The following ATP10B variants were observed in gnomAD, a reference collection of about 807,000 sequenced individuals.
The protein encoded by ATP10B is phospholipid-transporting ATPase VB.
In ATP10B, 122 loss-of-function variants were observed where a neutral mutation model predicts 141.2. The observed-to-expected ratio is 0.86, with a 90% CI of 0.75 to 1.00. The LOEUF is 1.00. Ranked by LOEUF, ATP10B falls within the 50% of genes least tolerant of loss-of-function variation. ATP10B has a pLI of 0.00. For synonymous variants in ATP10B, 685 were observed against 692.0 expected (o/e 0.99, Z 0.16); for missense variants, 1,876 against 1,825.3 (o/e 1.03, Z -0.51).
At chr5:160,624,868 GT>G (rs1758532202) in intron 13 of ATP10B, among the ~76,000 whole-genome samples, 1 of 152,212 alleles carries the variant, frequency 6.6e-6, no homozygotes, top group Non-Finnish European at 1.5e-5. Flanking sequence ...TGTGGTCACA[GT>G]ATGTTCTCTT....
At chr5:160,829,435 T>G (rs1162602915) in intron 1 of ATP10B, among the ~76,000 whole-genome samples, 1 of 152,000 alleles carries the variant, frequency 6.6e-6, no homozygotes, top group Non-Finnish European at 1.5e-5. Flanking sequence ...CTATTTGCAC[T>G]CTTTTTTTGG....
In ATP10B at chr5:160,565,752, G is replaced by C. The variant is rs199886982; in HGVS notation, c.4087C>G (p.Arg1363Gly). The C allele has an allele frequency of 1.2e-6, 2 of 1,613,942 alleles. No individual in the cohort carries two copies. The highest frequency in any genetic ancestry group is 1.7e-6 in the Non-Finnish European group (2 of 1,179,988). ...GATGACACTGGGTGGTGAGTTGGTC[G>C]AGCCACTTCGGGGACAGGGGCAGGC... ...QRPAPVPEVA[R>G]PTHHPVSSIT... Residue 1363 changes from arginine to glycine, a missense_variant, in exon 26 of 26, where the codon CGA (arginine) becomes GGA (glycine). Coordinates refer to ENST00000327245, the MANE Select transcript of ATP10B (RefSeq NM_025153.3).
chr5:160,919,381 C>G, the ATP10B span, among the ~76,000 whole-genome samples: 1 of 151,946 alleles, frequency 6.6e-6, no homozygotes, highest in African/African-American at 2.4e-5. Flanking sequence ...TCAGACTTGG[C>G]CCATAGTCTT....
chr5:160,895,659 G>A, the ATP10B span, among the ~76,000 whole-genome samples: 2 of 152,106 alleles, frequency 1.3e-5, no homozygotes, highest in East Asian at 1.9e-4. Flanking sequence ...AATTAACAAG[G>A]AAATCTAGGA....
intron 25 of ATP10B, among the ~76,000 whole-genome samples, chr5:160,568,550 T>C (rs1242449479): frequency 6.6e-6 from 1 of 152,174 alleles, no homozygotes; most frequent in Non-Finnish European, 1.5e-5. Context: ...GGGAACATCA[T>C]CATCAAGTTC....
intron 1 of ATP10B, among the ~76,000 whole-genome samples, chr5:160,813,150 GCAGTGCAC>G (rs1346346032): frequency 6.6e-6 from 1 of 152,250 alleles, no homozygotes; most frequent in African/African-American, 2.4e-5. Context: ...GACAGTGGGT[GCAGTGCAC>G]CGAGCATGAG....
At chr5:160,606,615 T>G (rs1335588060) in intron 19 of ATP10B, 150 bp downstream of exon 19, 1 of 758,808 alleles carries the variant, frequency 1.3e-6, no homozygotes, top group Non-Finnish European at 2.1e-6. Flanking sequence ...AGTTGCTGCA[T>G]CTTGATTGTC....
the ATP10B span, among the ~76,000 whole-genome samples, chr5:160,874,200 A>G: frequency 1.3e-5 from 2 of 152,252 alleles, no homozygotes; most frequent in South Asian, 2.1e-4. Flanking sequence ...GAACGGGCAG[A>G]CTGCCTCCTC....
In ATP10B at chr5:160,753,255, GC is replaced by G. The variant is rs1768287326; in HGVS notation, c.-331+32303del. 3.9e-5 allele frequency among the ~76,000 whole-genome samples: 6 copies of G among 152,256 alleles called. No homozygotes were observed. The South Asian group carries it at 1.2e-3, about 32-fold the overall frequency. On this transcript the variant is annotated intron_variant, in intron 2 of 25. Transcript: ENST00000327245. ...TCTAAGATACATACATACCATGGGT[GC>G]AACTCAGTATGATAAGTTTAAATCC...
chr5:160,886,698 C>T, the ATP10B span, among the ~76,000 whole-genome samples: 2 of 152,248 alleles, frequency 1.3e-5, no homozygotes, highest in East Asian at 1.9e-4. Context: ...TGGTCCTTTT[C>T]CTTCCTAGAA....
At chr5:160,619,520 A>T (rs1230552850) in intron 15 of ATP10B, among the ~76,000 whole-genome samples, 1 of 152,090 alleles carries the variant, frequency 6.6e-6, no homozygotes, top group Admixed American at 6.6e-5. Flanking sequence ...CTCCCTTCCC[A>T]TTCTACACAC....
intron 24 of ATP10B, among the ~76,000 whole-genome samples, chr5:160,578,530 A>G (rs766304188): frequency 1.9e-4 from 29 of 151,916 alleles, no homozygotes; most frequent in Admixed American, 3.9e-4. Context: ...TCCTTTTTTT[A>G]TGGTTGCATA....
At chr5:160,678,886 G>C (rs1016719006) in intron 6 of ATP10B, among the ~76,000 whole-genome samples, 1 of 152,182 alleles carries the variant, frequency 6.6e-6, no homozygotes, top group South Asian at 2.1e-4. Flanking sequence ...AGCCCTCCAT[G>C]CCAAGCATCC....
intron 1 of ATP10B, among the ~76,000 whole-genome samples, chr5:160,799,591 C>T (rs549217299): frequency 1.3e-5 from 2 of 152,296 alleles, no homozygotes; most frequent in African/African-American, 4.8e-5. Context: ...TAATTCTCAA[C>T]ACCACTTCAG....
chr5:160,629,192 G>A (rs1425714074), intron 13 of ATP10B, among the ~76,000 whole-genome samples: 3 of 151,786 alleles, frequency 2.0e-5, no homozygotes, highest in African/African-American at 4.8e-5. Flanking sequence ...GGTGGAAGGG[G>A]ACAAGTGCAG....
At chr5:160,819,839 G>A (rs1415240265) in intron 1 of ATP10B, among the ~76,000 whole-genome samples, 2 of 151,888 alleles carry the variant, frequency 1.3e-5, no homozygotes, top group Non-Finnish European at 2.9e-5. Flanking sequence ...GATACAGAAA[G>A]AATAAAAAGC....
At chr5:160,575,136 C>A (rs926845055) in intron 24 of ATP10B, among the ~76,000 whole-genome samples, 3 of 152,092 alleles carry the variant, frequency 2.0e-5, no homozygotes, top group Non-Finnish European at 4.4e-5. Context: ...CTTATTCAGG[C>A]TTGCTGAGTG....
chr5:160,634,607 C>T lies in ATP10B; in HGVS notation c.1129-1G>A, dbSNP rs752693556. ...CATACAAAGAGATGGGGATCAGCAC[C>T]TGAAAAGAGATGAGTTTCTACCATT... On this transcript the variant is annotated splice_acceptor_variant, in intron 11 of 25. Transcript: ENST00000327245. LOFTEE classifies it high-confidence loss of function. The T allele has an allele frequency of 1.9e-6, 3 of 1,602,720 alleles. No individual in the cohort carries two copies. Among genetic ancestry groups the T allele is most frequent in the Non-Finnish European group, 2.6e-6 (3 of 1,173,930 alleles).
rs536261407 is a variant in ATP10B at position 160,760,460 on chromosome 5, C to T, written c.-331+25099G>A. ...TTTCTGCTTTCTAAACCAAAGTTCCCCGTTCTTTTGGATTATATGCTACAG... is the reference window on the plus strand; with the variant it reads ...TTTCTGCTTTCTAAACCAAAGTTCCTCGTTCTTTTGGATTATATGCTACAG... On this transcript the variant is annotated intron_variant, in intron 2 of 25. Coordinates refer to ENST00000327245, the MANE Select transcript of ATP10B (RefSeq NM_025153.3). Among the ~76,000 whole-genome samples the T allele has an allele frequency of 9.2e-5, 14 of 152,244 alleles. No homozygotes were observed. The East Asian group carries it at 1.2e-3, about 13-fold the overall frequency.
Sources: allele counts gnomAD v4.1 joint callset (sites outside exome capture counted in the v4.1 genomes callset), GRCh38; gene constraint gnomAD v4.1.1; transcripts MANE v1.5; gene names NCBI Gene and HGNC (gene_info 2026-07-23, HGNC 2026-07-21).